The following ST6GALNAC1 variants were observed in gnomAD, a reference collection of about 807,000 sequenced individuals.
ST6GALNAC1 encodes alpha-N-acetylgalactosaminide alpha-2,6-sialyltransferase 1.
Under a neutral mutation model 56.8 loss-of-function variants are expected in ST6GALNAC1, and 45 were observed. The observed-to-expected ratio is 0.79, with a 90% CI of 0.62 to 1.02. ST6GALNAC1 has a LOEUF of 1.02. Ranked by LOEUF, ST6GALNAC1 falls within the 50% of genes least tolerant of loss-of-function variation. The probability of loss-of-function intolerance (pLI) is 0.00; values close to 1 mark genes in which losing one functional copy is unlikely to be tolerated. For missense variants in ST6GALNAC1, 743 were observed against 754.8 expected, an observed-to-expected ratio of 0.98 and a Z score of 0.18; for synonymous variants, 295 against 297.8, an observed-to-expected ratio of 0.99 and a Z score of 0.10.
At chr17:76,619,153 T>G in the ST6GALNAC1 span, among the ~76,000 whole-genome samples, 1 of 152,186 alleles carries the variant, frequency 6.6e-6, no homozygotes, top group Non-Finnish European at 1.5e-5. Flanking sequence ...AGCACGTCCT[T>G]ACTTTCTAGA....
chr17:76,621,828 A>G (rs541458822), downstream of ST6GALNAC1, among the ~76,000 whole-genome samples: 16 of 151,904 alleles, frequency 1.1e-4, no homozygotes, highest in South Asian at 3.3e-3. Flanking sequence ...AGTACTGCCT[A>G]CCCAGGTTGC....
intron 1 of ST6GALNAC1, among the ~76,000 whole-genome samples, chr17:76,634,129 G>A (rs767005289): frequency 9.2e-5 from 14 of 152,226 alleles, no homozygotes; most frequent in African/African-American, 2.9e-4. Flanking sequence ...CATGGAGAGC[G>A]AGCGGAAGTG....
chr17:76,621,943 C>CTTTTTTTTT (rs71158041), downstream of ST6GALNAC1, among the ~76,000 whole-genome samples: 2 of 138,022 alleles, frequency 1.4e-5, no homozygotes, highest in South Asian at 2.3e-4. Context: ...TCTTTCTTTT[C>CTTTTTTTTT]TTTTTTTTTT....
intron 1 of ST6GALNAC1, among the ~76,000 whole-genome samples, chr17:76,639,418 G>T (rs2076016889): frequency 6.6e-6 from 1 of 151,830 alleles, no homozygotes; most frequent in Admixed American, 6.6e-5. Flanking sequence ...TCCACTAAAA[G>T]TACAATAATT....
Position 76,643,494 on chromosome 17 carries a change from G to T in ST6GALNAC1, c.131+14C>A. On this transcript the variant is annotated intron_variant, in intron 1 of 8. Coordinates refer to ENST00000156626, the MANE Select transcript of ST6GALNAC1 (RefSeq NM_018414.5). ...TGAATGAAATATGAGGAGTGGAAAG[G>T]ACAAGAATCTTACCTGGAAGGCTTT... The T allele has an allele frequency of 1.9e-6, 3 of 1,613,288 alleles. No individual in the cohort carries two copies. The highest frequency in any genetic ancestry group is 2.2e-5 in the South Asian group (2 of 90,970).
Position 76,643,529 on chromosome 17 carries a change from T to C in ST6GALNAC1, c.110A>G (p.Glu37Gly). ...FLFALPSFIK[E>G]PQTKPSRHQR... Reference sequence around the variant, plus strand: ...TTACCTGGAAGGCTTTGTTTGAGGCTCCTTAATAAAAGAGGGCAAGGCGAA... The same window carrying C: ...TTACCTGGAAGGCTTTGTTTGAGGCCCCTTAATAAAAGAGGGCAAGGCGAA... The change falls in exon 1 of 9, where the codon GAG (glutamate) becomes GGG (glycine). Residue 37 changes from glutamate (E) to glycine (G), a missense_variant. Physicochemically the swap from Glu to Gly is moderately conservative, Grantham distance 98. Transcript: ENST00000156626. 1 of 1,614,056 alleles carries C rather than the reference T, an allele frequency of 6.2e-7. No individual in the cohort carries two copies. The highest frequency in any genetic ancestry group is 8.5e-7 in the Non-Finnish European group (1 of 1,179,982).
In ST6GALNAC1 at chr17:76,628,993, C is replaced by A; in HGVS notation, c.831+19G>T. The A allele has an allele frequency of 6.6e-7, 1 of 1,519,852 alleles. No homozygotes were observed. Among genetic ancestry groups the A allele is most frequent in the Non-Finnish European group, 8.8e-7 (1 of 1,135,680 alleles). 94.1% of individuals were successfully genotyped at this position (1,519,852 alleles called of 1,614,324 possible). On this transcript the variant is annotated intron_variant, in intron 2 of 8. Transcript: ENST00000156626. ...TCAGAGCTGGGAGCCAGAGGGAAGG[C>A]GTGGTGGCAAAAACTCACCGTCTGA...
intron 1 of ST6GALNAC1, among the ~76,000 whole-genome samples, chr17:76,632,133 C>T (rs2075910935): frequency 6.6e-6 from 1 of 152,094 alleles, no homozygotes; most frequent in Non-Finnish European, 1.5e-5. Flanking sequence ...CCCAGCAAAG[C>T]CTCTTGGTGG....
At chr17:76,636,792 G>A (rs987451646) in intron 1 of ST6GALNAC1, among the ~76,000 whole-genome samples, 8 of 152,160 alleles carry the variant, frequency 5.3e-5, no homozygotes, top group Non-Finnish European at 1.0e-4. Context: ...CATTGAGAAC[G>A]GGCCATGATG....
intron 1 of ST6GALNAC1, among the ~76,000 whole-genome samples, chr17:76,634,451 G>T (rs971122748): frequency 6.6e-6 from 1 of 152,116 alleles, no homozygotes; most frequent in African/African-American, 2.4e-5. Context: ...TGTTAGCTGG[G>T]CCTGGAGTTC....
At chr17:76,623,482 A>C (rs190323073), downstream of ST6GALNAC1, among the ~76,000 whole-genome samples, 47 of 152,350 alleles carry the variant, frequency 3.1e-4, no homozygotes, top group African/African-American at 1.1e-3. Flanking sequence ...CATCTTTTCC[A>C]AGAACAAAAG....
At chr17:76,643,479 A>G in intron 1 of ST6GALNAC1, 29 bp downstream of exon 1, 1 of 1,611,428 alleles carries the variant, frequency 6.2e-7, no homozygotes, top group Non-Finnish European at 8.5e-7. Flanking sequence ...TGAATGAAAT[A>G]TGAGGAGTGG....
chr17:76,628,268 CTCCT>C (rs1192343192), intron 2 of ST6GALNAC1, among the ~76,000 whole-genome samples: 4 of 37,528 alleles, frequency 1.1e-4, no homozygotes, highest in Admixed American at 3.6e-4. Context: ...CCCTCCCTCC[CTCCT>C]TCCTTCCTTC....
At chr17:76,637,001 T>C (rs1175601758) in intron 1 of ST6GALNAC1, among the ~76,000 whole-genome samples, 1 of 152,096 alleles carries the variant, frequency 6.6e-6, no homozygotes, top group African/African-American at 2.4e-5. Flanking sequence ...ACATGTGCTG[T>C]GTCCACTCAG....
intron 1 of ST6GALNAC1, among the ~76,000 whole-genome samples, chr17:76,643,249 T>C (rs2076072536): frequency 6.6e-6 from 1 of 152,192 alleles, no homozygotes; most frequent in African/African-American, 2.4e-5. Context: ...ACCCATCAGT[T>C]CTCAAACTCC....
chr17:76,618,190 G>A, the ST6GALNAC1 span, among the ~76,000 whole-genome samples: 1 of 152,160 alleles, frequency 6.6e-6, no homozygotes, highest in Non-Finnish European at 1.5e-5. Context: ...GTTTCATCAG[G>A]CTATCAGTAT....
chr17:76,637,197 C>T (rs1424787592), intron 1 of ST6GALNAC1, among the ~76,000 whole-genome samples: 1 of 147,158 alleles, frequency 6.8e-6, no homozygotes, highest in Non-Finnish European at 1.5e-5. Flanking sequence ...ATCTGCTGAC[C>T]TTCCCTCCAC....
At chr17:76,638,316 C>T (rs1394446763) in intron 1 of ST6GALNAC1, among the ~76,000 whole-genome samples, 1 of 151,990 alleles carries the variant, frequency 6.6e-6, no homozygotes. Context: ...AAATGATGCA[C>T]GTGGGTGCGT....
chr17:76,624,906 G>T lies in ST6GALNAC1; in HGVS notation c.*424C>A, dbSNP rs918703408. The T allele has an allele frequency of 3.0e-5, 6 of 203,366 alleles. No homozygotes were observed. The highest frequency in any genetic ancestry group is 9.4e-5 in the African/African-American group (4 of 42,466). 12.6% of individuals were successfully genotyped at this position (203,366 alleles called of 1,614,324 possible). Reference sequence around the variant, plus strand: ...CTAGAATCAGATAACTCCTAGAAAGGTCTTCTAGACAATCTGTAGTGAAGT... The same window carrying T: ...CTAGAATCAGATAACTCCTAGAAAGTTCTTCTAGACAATCTGTAGTGAAGT... On this transcript the variant is annotated 3_prime_UTR_variant, in exon 9 of 9. Transcript: ENST00000156626.
Sources: allele counts gnomAD v4.1 joint callset (sites outside exome capture counted in the v4.1 genomes callset), GRCh38; gene constraint gnomAD v4.1.1; transcripts MANE v1.5; gene names NCBI Gene and HGNC (gene_info 2026-07-23, HGNC 2026-07-21).